DPP10: variants seen among roughly 807,000 people sequenced by gnomAD.
DPP10 encodes the protein inactive dipeptidyl peptidase 10.
In DPP10, 33 loss-of-function variants were observed where a neutral mutation model predicts 120.9. The ratio of observed to expected loss-of-function variants is 0.27; its 90% CI spans 0.21 to 0.37. The LOEUF is 0.37. DPP10 is among the 10% of genes least tolerant of loss of function. The pLI is 1.00. For missense variants in DPP10, 816 were observed against 942.8 expected (o/e 0.87, Z 1.76); for synonymous variants, 337 against 326.1 (o/e 1.03, Z -0.36).
chr2:114,834,692 T>A (rs1333325130), intron 1 of DPP10, among the ~76,000 whole-genome samples: 1 of 123,338 alleles, frequency 8.1e-6, no homozygotes, highest in Admixed American at 8.0e-5. Flanking sequence ...TATGTATATA[T>A]AAGACATATC....
At chr2:114,813,984 A>ACACC (rs1553433289) in intron 1 of DPP10, among the ~76,000 whole-genome samples, 5 of 147,728 alleles carry the variant, frequency 3.4e-5, no homozygotes, top group Non-Finnish European at 4.5e-5. Flanking sequence ...ACACACACAC[A>ACACC]CACCACGAGC....
intron 17 of DPP10, among the ~76,000 whole-genome samples, chr2:115,783,797 TA>T (rs1015245293): frequency 6.6e-6 from 1 of 152,162 alleles, no homozygotes; most frequent in African/African-American, 2.4e-5. Flanking sequence ...TATCAGTGTA[TA>T]AAATAAGTCT....
At chr2:115,547,930 G>T (rs2079615440) in intron 5 of DPP10, among the ~76,000 whole-genome samples, 1 of 151,984 alleles carries the variant, frequency 6.6e-6, no homozygotes, top group East Asian at 1.9e-4. Flanking sequence ...TTTGTGTTTA[G>T]ATATTCAAAT....
intron 1 of DPP10, among the ~76,000 whole-genome samples, chr2:115,257,182 A>G (rs1033812194): frequency 1.3e-5 from 2 of 152,110 alleles, no homozygotes; most frequent in African/African-American, 4.8e-5. Flanking sequence ...GAGCCCTTCA[A>G]ACTCTTCCAA....
chr2:114,830,360 C>T (rs984698186), intron 1 of DPP10, among the ~76,000 whole-genome samples: 3 of 152,080 alleles, frequency 2.0e-5, no homozygotes, highest in African/African-American at 7.2e-5. Flanking sequence ...ATCCTCTGTT[C>T]TGTGCTGTTC....
intron 2 of DPP10, among the ~76,000 whole-genome samples, chr2:115,329,657 A>T (rs779957556): frequency 1.3e-5 from 2 of 152,002 alleles, no homozygotes; most frequent in Admixed American, 1.3e-4. Context: ...TCATTGTTCA[A>T]TTCCCACCTA....
At chr2:115,662,968 T>C (rs933900665) in intron 5 of DPP10, among the ~76,000 whole-genome samples, 3 of 148,550 alleles carry the variant, frequency 2.0e-5, no homozygotes, top group Non-Finnish European at 4.5e-5. Context: ...GTAGAATTGT[T>C]TTGAGAAGAG....
rs141478884 is a variant in DPP10 at position 115,522,858 on chromosome 2, T to C, written c.367-3040T>C. ...TTCCCCAAACCACAATTTGAAGTCA[T>C]ATTAAGTTGAAATTAAACCAGAACT... On this transcript the variant is annotated intron_variant, in intron 4 of 25. Coordinates refer to ENST00000410059, the MANE Select transcript of DPP10 (RefSeq NM_020868.6). 7.8e-3 allele frequency among the ~76,000 whole-genome samples: 1,182 copies of C among 152,286 alleles called. 10 individuals carry two copies. Among genetic ancestry groups the C allele is most frequent in the Middle Eastern group, 0.024 (7 of 294 alleles).
chr2:114,710,875 G>T (rs905049900), intron 1 of DPP10, among the ~76,000 whole-genome samples: 4 of 152,174 alleles, frequency 2.6e-5, no homozygotes, highest in African/African-American at 9.7e-5. Flanking sequence ...TACAGACAAG[G>T]GTTGTTCCAG....
At chr2:115,415,120 G>T (rs899042397) in intron 3 of DPP10, among the ~76,000 whole-genome samples, 3 of 152,098 alleles carry the variant, frequency 2.0e-5, no homozygotes, top group African/African-American at 4.8e-5. Context: ...TTACTAGGTG[G>T]TTTTCCTGGT....
At chr2:115,657,287 A>G (rs779934624) in intron 5 of DPP10, among the ~76,000 whole-genome samples, 4 of 151,814 alleles carry the variant, frequency 2.6e-5, no homozygotes, top group Non-Finnish European at 4.4e-5. Context: ...ACAGCTGGTG[A>G]TAACAATGGT....
intron 4 of DPP10, among the ~76,000 whole-genome samples, chr2:115,511,728 C>CTTTTTTTTTTTTT: frequency 1.4e-5 from 1 of 71,194 alleles, no homozygotes; most frequent in South Asian, 4.9e-4. Context: ...TCTTCTTCTT[C>CTTTTTTTTTTTTT]TTCTTTTTTT....
At chr2:115,195,063 A>T (rs1445200430) in intron 1 of DPP10, among the ~76,000 whole-genome samples, 1 of 152,198 alleles carries the variant, frequency 6.6e-6, no homozygotes, top group Admixed American at 6.5e-5. Flanking sequence ...GTGTGCGCTC[A>T]TGATGATCAC....
At chr2:115,213,802 T>C (rs7562666) in intron 1 of DPP10, among the ~76,000 whole-genome samples, 56,720 of 151,910 alleles carry the variant, frequency 0.37, 12,802 homozygotes, top group Non-Finnish European at 0.5. Flanking sequence ...AGTACTATAA[T>C]GAGAAGCTTA....
At chr2:115,286,526 A>AATATATATATATATATAT in intron 1 of DPP10, among the ~76,000 whole-genome samples, 1 of 60,952 alleles carries the variant, frequency 1.6e-5, no homozygotes, top group East Asian at 5.8e-4. Context: ...ATATATATAT[A>AATATATATATATATATAT]ATATATATAT....
At chr2:115,087,129 C>T (rs1180192292) in intron 1 of DPP10, among the ~76,000 whole-genome samples, 1 of 152,166 alleles carries the variant, frequency 6.6e-6, no homozygotes, top group Non-Finnish European at 1.5e-5. Context: ...GCTTCACTCT[C>T]TCATGTTACC....
chr2:115,014,797 G>A (rs1337359409), intron 1 of DPP10, among the ~76,000 whole-genome samples: 1 of 148,714 alleles, frequency 6.7e-6, no homozygotes, highest in East Asian at 2.0e-4. Flanking sequence ...ACAGGAAGAA[G>A]TCGAATCCCT....
chr2:115,840,324 T>TTG (rs1553520949), intron 24 of DPP10, among the ~76,000 whole-genome samples: 2 of 113,344 alleles, frequency 1.8e-5, no homozygotes, highest in Admixed American at 8.7e-5. Context: ...TTTTGGTTTT[T>TTG]TTTTTTTTTT....
At position 115,844,124 on chromosome 2, in the gene DPP10, G is replaced by T. The variant is rs1227143561; in HGVS notation, c.*1779G>T. ...CCATTTTAGGTCTTTTTCAAGAATA[G>T]TGAACACATTTTTTAACAAAATAAG... On this transcript the variant is annotated 3_prime_UTR_variant, in exon 26 of 26. Transcript: ENST00000410059. The T allele has an allele frequency of 6.6e-6, 1 of 152,548 alleles. No homozygotes were observed. The highest frequency in any genetic ancestry group is 1.5e-5 in the Non-Finnish European group (1 of 68,010). 9.4% of individuals were successfully genotyped at this position (152,548 alleles called of 1,614,324 possible).
Sources: allele counts gnomAD v4.1 joint callset (sites outside exome capture counted in the v4.1 genomes callset), GRCh38; gene constraint gnomAD v4.1.1; transcripts MANE v1.5; gene names NCBI Gene and HGNC (gene_info 2026-07-23, HGNC 2026-07-21).